Variants in NRXN3 observed in about 807,000 individuals in gnomAD.
The protein encoded by NRXN3 is neurexin III.
NRXN3 carries 32 observed loss-of-function variants against 137.6 expected under a neutral mutation model. The ratio of observed to expected loss-of-function variants is 0.23; its 90% CI spans 0.18 to 0.31. The LOEUF is 0.31. Ranked by LOEUF, NRXN3 falls within the 10% of genes least tolerant of loss-of-function variation. The pLI, the probability that NRXN3 is intolerant of heterozygous loss-of-function variation, is 1.00. For synonymous variants in NRXN3, 798 were observed against 784.5 expected, an observed-to-expected ratio of 1.02 and a Z score of -0.29; for missense variants, 1,574 against 2,062.5, an observed-to-expected ratio of 0.76 and a Z score of 4.59.
At chr14:79,496,214 T>TTCTCTCTC (rs149328690) in intron 16 of NRXN3, among the ~76,000 whole-genome samples, 2 of 144,644 alleles carry the variant, frequency 1.4e-5, no homozygotes, top group African/African-American at 2.6e-5. Flanking sequence ...TTGAACTTAA[T>TTCTCTCTC]TCTCTCTCTC....
intron 6 of NRXN3, among the ~76,000 whole-genome samples, chr14:78,658,728 C>T (rs1377014494): frequency 6.6e-6 from 1 of 152,144 alleles, no homozygotes; most frequent in East Asian, 1.9e-4. Context: ...CACATTATTG[C>T]TTTGGGTAGC....
chr14:79,697,840 C>T lies in NRXN3; in HGVS notation c.3917C>T (p.Thr1306Ile), dbSNP rs770546338. Reference protein sequence around the residue: ...VPSILGTTQTTSMPPEMSTTV... With the variant: ...VPSILGTTQTISMPPEMSTTV... ...TCAATTTTGGGAACAACACAGACGACCTCCATGCCACCAGAAATGTCTACT... is the reference window on the plus strand; with the variant it reads ...TCAATTTTGGGAACAACACAGACGATCTCCATGCCACCAGAAATGTCTACT... The change falls in exon 19 of 21, where the codon ACC (threonine) becomes ATC (isoleucine). Residue 1306 changes from threonine (T) to isoleucine (I), a missense_variant. By Grantham distance (89) the Thr-to-Ile change is moderately conservative. This residue lies in a region of NRXN3 where 320 missense variants were observed against 387.1 expected (regional missense o/e 0.83). Transcript: ENST00000335750. The T allele has an allele frequency of 1.9e-6, 3 of 1,613,260 alleles. No individual in the cohort carries two copies. Among genetic ancestry groups the T allele is most frequent in the Non-Finnish European group, 2.5e-6 (3 of 1,179,454 alleles).
chr14:78,523,193 T>C (rs996713669), intron 4 of NRXN3, among the ~76,000 whole-genome samples: 1 of 152,062 alleles, frequency 6.6e-6, no homozygotes, highest in Admixed American at 6.5e-5. Context: ...GAGGGATCAG[T>C]TGGTTGGCCA....
At chr14:79,433,833 G>C in intron 15 of NRXN3, among the ~76,000 whole-genome samples, 1 of 152,168 alleles carries the variant, frequency 6.6e-6, no homozygotes, top group East Asian at 1.9e-4. Flanking sequence ...TGCCTATTTA[G>C]AAGCCTTTAA....
At chr14:79,152,931 T>A (rs1343476278) in intron 15 of NRXN3, among the ~76,000 whole-genome samples, 3 of 152,020 alleles carry the variant, frequency 2.0e-5, no homozygotes, top group African/African-American at 7.2e-5. Context: ...AAATGACACC[T>A]GTGGGCTTGC....
At chr14:78,973,445 T>C (rs1185081243) in intron 14 of NRXN3, among the ~76,000 whole-genome samples, 1 of 152,314 alleles carries the variant, frequency 6.6e-6, no homozygotes, top group Non-Finnish European at 1.5e-5. Flanking sequence ...GTTTTAAATA[T>C]TTCTGGGCAT....
chr14:78,645,810 A>G (rs1376724119), intron 5 of NRXN3, among the ~76,000 whole-genome samples: 1 of 152,128 alleles, frequency 6.6e-6, no homozygotes, highest in African/African-American at 2.4e-5. Flanking sequence ...GATTTTCCTC[A>G]TTCTTTGAAT....
chr14:79,117,307 A>G (rs1291543945), intron 15 of NRXN3, among the ~76,000 whole-genome samples: 1 of 152,200 alleles, frequency 6.6e-6, no homozygotes, highest in Admixed American at 6.5e-5. Flanking sequence ...GTCTCCATGG[A>G]GGGAAGGACT....
intron 3 of NRXN3, among the ~76,000 whole-genome samples, chr14:78,291,386 G>C (rs534575375): frequency 6.6e-6 from 1 of 152,298 alleles, no homozygotes; most frequent in East Asian, 1.9e-4. Flanking sequence ...AGCTGTTATT[G>C]TAATTCTCTT....
At chr14:78,810,478 G>T in intron 10 of NRXN3, 134 bp downstream of exon 10, 1 of 186,580 alleles carries the variant, frequency 5.4e-6, no homozygotes. Flanking sequence ...GGGGGACCTG[G>T]GGCTAAGAAG....
At chr14:79,355,605 G>A (rs570442998) in intron 15 of NRXN3, among the ~76,000 whole-genome samples, 1 of 152,046 alleles carries the variant, frequency 6.6e-6, no homozygotes, top group South Asian at 2.1e-4. Context: ...TATCCACTAT[G>A]GTTATTTTTA....
chr14:79,241,448 T>G (rs1597695037), intron 15 of NRXN3, among the ~76,000 whole-genome samples: 1 of 152,210 alleles, frequency 6.6e-6, no homozygotes, highest in African/African-American at 2.4e-5. Flanking sequence ...CAAAGGCACA[T>G]CTTACATGGC....
At chr14:78,694,694 G>T (rs2098208093) in intron 6 of NRXN3, among the ~76,000 whole-genome samples, 1 of 151,864 alleles carries the variant, frequency 6.6e-6, no homozygotes, top group Admixed American at 6.6e-5. Flanking sequence ...AAGTTTAGTT[G>T]GAAATTTAAA....
intron 4 of NRXN3, among the ~76,000 whole-genome samples, chr14:78,538,909 A>G (rs1403069634): frequency 4.6e-5 from 7 of 152,148 alleles, no homozygotes; most frequent in Non-Finnish European, 1.0e-4. Context: ...TATGTGATGG[A>G]TTACGTTTAT....
chr14:79,734,042 G>A (rs1001383331), intron 19 of NRXN3, among the ~76,000 whole-genome samples: 1 of 152,068 alleles, frequency 6.6e-6, no homozygotes, highest in South Asian at 2.1e-4. Context: ...AGTCACTGAT[G>A]GTACCAATCA....
chr14:78,460,929 A>G (rs2094904044), intron 4 of NRXN3, among the ~76,000 whole-genome samples: 1 of 152,028 alleles, frequency 6.6e-6, no homozygotes, highest in Non-Finnish European at 1.5e-5. Flanking sequence ...CTCCACAAAT[A>G]TTTATTTGTA....
At chr14:79,008,285 A>T (rs895439072) in intron 15 of NRXN3, among the ~76,000 whole-genome samples, 18 of 152,188 alleles carry the variant, frequency 1.2e-4, no homozygotes, top group African/African-American at 4.3e-4. Context: ...TTTCAAGCAA[A>T]CATAAAGGAC....
chr14:79,854,081 A>G (rs1439572962), intron 20 of NRXN3: 1 of 983,986 alleles, frequency 1.0e-6, no homozygotes, highest in Non-Finnish European at 1.2e-6. Flanking sequence ...CATTTTGCTC[A>G]AAAGTTTTTA....
At chr14:78,421,276 GA>G (rs1324237586) in intron 4 of NRXN3, among the ~76,000 whole-genome samples, 26 of 144,032 alleles carry the variant, frequency 1.8e-4, no homozygotes, top group Admixed American at 1.7e-3. Context: ...AAAAAAAAAA[GA>G]AAAAAAAGAA....
Sources: allele counts gnomAD v4.1 joint callset (sites outside exome capture counted in the v4.1 genomes callset), GRCh38; gene constraint gnomAD v4.1.1; regional missense constraint gnomAD v4.1.1; transcripts MANE v1.5; gene names NCBI Gene and HGNC (gene_info 2026-07-23, HGNC 2026-07-21).